GRIK1: variants seen among roughly 807,000 people sequenced by gnomAD.
The protein encoded by GRIK1 is glutamate receptor ionotropic, kainate 1.
Under a neutral mutation model 105.7 loss-of-function variants are expected in GRIK1, and 69 were observed. The observed-to-expected ratio is 0.65, with a 90% CI of 0.54 to 0.80. The LOEUF is 0.80. GRIK1 is among the 30% of genes least tolerant of loss of function. The pLI is 0.00. For missense variants in GRIK1, 1,109 were observed against 1,167.3 expected (o/e 0.95, Z 0.73); for synonymous variants, 438 against 431.3 (o/e 1.02, Z -0.19).
chr21:29,635,470 T>C (rs543735420), intron 7 of GRIK1, among the ~76,000 whole-genome samples: 2 of 152,306 alleles, frequency 1.3e-5, no homozygotes, highest in East Asian at 1.9e-4. Flanking sequence ...TCCTGGTGAA[T>C]AGAGCTTCCA....
intron 1 of GRIK1, among the ~76,000 whole-genome samples, chr21:29,841,889 A>T (rs1212381710): frequency 2.6e-5 from 4 of 152,154 alleles, no homozygotes; most frequent in Non-Finnish European, 5.9e-5. Context: ...ACCTTCACCC[A>T]GCTACAAAAT....
chr21:29,656,836 CA>C (rs2062864102), intron 4 of GRIK1, among the ~76,000 whole-genome samples: 2 of 152,302 alleles, frequency 1.3e-5, no homozygotes, highest in Middle Eastern at 3.4e-3. Flanking sequence ...TCTCTACTAA[CA>C]CGAAAACCAG....
intron 16 of GRIK1, among the ~76,000 whole-genome samples, chr21:29,538,227 A>G (rs16984343): frequency 0.033 from 5,023 of 152,310 alleles, 118 homozygotes; most frequent in East Asian, 0.12. Context: ...AGAAATTTCT[A>G]TAATGTCCTG....
At chr21:29,605,981 A>AT (rs2061606077) in intron 7 of GRIK1, among the ~76,000 whole-genome samples, 2 of 150,436 alleles carry the variant, frequency 1.3e-5, no homozygotes, top group Admixed American at 6.7e-5. Context: ...TGACTATTCT[A>AT]TTTTTTAATA....
intron 1 of GRIK1, among the ~76,000 whole-genome samples, chr21:29,898,760 A>G (rs929885292): frequency 5.9e-5 from 9 of 152,252 alleles, no homozygotes; most frequent in Non-Finnish European, 1.2e-4. Flanking sequence ...GAAAAAATGC[A>G]TATGAAATTG....
intron 6 of GRIK1, among the ~76,000 whole-genome samples, chr21:29,646,811 C>T (rs928676370): frequency 6.6e-6 from 1 of 151,786 alleles, no homozygotes; most frequent in Admixed American, 6.6e-5. Flanking sequence ...TACATGGATT[C>T]TGCCATGATA....
intron 1 of GRIK1, among the ~76,000 whole-genome samples, chr21:29,725,833 C>T (rs548667542): frequency 3.9e-5 from 6 of 152,190 alleles, no homozygotes; most frequent in African/African-American, 1.4e-4. Flanking sequence ...ATAGAGCATA[C>T]CTTTTCTCTC....
chr21:29,849,896 T>G (rs1488755964), intron 1 of GRIK1, among the ~76,000 whole-genome samples: 1 of 152,172 alleles, frequency 6.6e-6, no homozygotes, highest in African/African-American at 2.4e-5. Flanking sequence ...TGGTGCCCTC[T>G]GGTGCCTCTA....
At chr21:29,558,376 TCA>T (rs35594883) in intron 15 of GRIK1, among the ~76,000 whole-genome samples, 25 of 146,988 alleles carry the variant, frequency 1.7e-4, no homozygotes, top group East Asian at 5.9e-4. Flanking sequence ...TATATATATT[TCA>T]CACACACACA....
chr21:29,837,761 A>T (rs911622510), intron 1 of GRIK1, among the ~76,000 whole-genome samples: 12 of 152,290 alleles, frequency 7.9e-5, no homozygotes, highest in African/African-American at 2.9e-4. Flanking sequence ...AATATAAAAA[A>T]CTTACCGTTT....
chr21:29,584,927 G>A (rs1195830958), intron 12 of GRIK1, among the ~76,000 whole-genome samples: 1 of 152,166 alleles, frequency 6.6e-6, no homozygotes, highest in African/African-American at 2.4e-5. Context: ...GTGGCTTTAT[G>A]AAGCAGAAGC....
At chr21:29,848,779 A>ATATATTTTTTTTTTTT in intron 1 of GRIK1, among the ~76,000 whole-genome samples, 61 of 77,850 alleles carry the variant, frequency 7.8e-4, no homozygotes, top group African/African-American at 3.5e-3. Flanking sequence ...ATATATATAT[A>ATATATTTTTTTTTTTT]TTTTTTTTTT....
chr21:29,829,175 G>C (rs956657750), intron 1 of GRIK1, among the ~76,000 whole-genome samples: 2 of 152,130 alleles, frequency 1.3e-5, no homozygotes, highest in African/African-American at 2.4e-5. Flanking sequence ...GCATGCATTA[G>C]TAAATATCTC....
At chr21:29,690,019 G>A (rs765786975) in intron 2 of GRIK1, 34 bp from the exon 3 acceptor site, 7 of 1,444,938 alleles carry the variant, frequency 4.8e-6, no homozygotes, top group Admixed American at 3.4e-5. Context: ...GATGGGGAGG[G>A]AGGGCAGGGA....
At chr21:29,876,442 T>A (rs1400274022) in intron 1 of GRIK1, among the ~76,000 whole-genome samples, 2 of 152,204 alleles carry the variant, frequency 1.3e-5, no homozygotes, top group Non-Finnish European at 2.9e-5. Flanking sequence ...ATTATCTTGA[T>A]TCCACAGATG....
At chr21:29,704,628 G>A (rs935643110) in intron 1 of GRIK1, among the ~76,000 whole-genome samples, 28 of 152,162 alleles carry the variant, frequency 1.8e-4, no homozygotes, top group Non-Finnish European at 2.9e-5. Flanking sequence ...TCACAAAGTA[G>A]TTTGTTCTGC....
chr21:29,859,143 A>G (rs892609621), intron 1 of GRIK1, among the ~76,000 whole-genome samples: 1 of 148,072 alleles, frequency 6.8e-6, no homozygotes, highest in Non-Finnish European at 1.5e-5. Flanking sequence ...GTTCTCACTC[A>G]TAGGTGGGAA....
intron 1 of GRIK1, among the ~76,000 whole-genome samples, chr21:29,820,068 A>C (rs1374871221): frequency 6.6e-6 from 1 of 152,108 alleles, no homozygotes; most frequent in Admixed American, 6.6e-5. Context: ...ATTAACAGCA[A>C]CTGCAACTGC....
In GRIK1 at chr21:29,800,261, A is replaced by T. The variant is rs1245626607; in HGVS notation, c.119-106198T>A. ...ATGCAACAATTCAATGCTACCAGGC[A>T]TTTCCTTTCTTATGTGTCAGGGCTT... On this transcript the variant is annotated intron_variant, in intron 1 of 17. Coordinates refer to ENST00000327783, the MANE Select transcript of GRIK1 (RefSeq NM_001330994.2). 2.0e-5 allele frequency among the ~76,000 whole-genome samples: 3 copies of T among 152,324 alleles called. No homozygotes were observed. The East Asian group carries it at 5.8e-4, about 29-fold the overall frequency.
Sources: allele counts gnomAD v4.1 joint callset (sites outside exome capture counted in the v4.1 genomes callset), GRCh38; gene constraint gnomAD v4.1.1; transcripts MANE v1.5; gene names NCBI Gene and HGNC (gene_info 2026-07-23, HGNC 2026-07-21).